The following SLC39A12 variants were observed in gnomAD, a reference collection of about 807,000 sequenced individuals.
SLC39A12 encodes the protein zinc transporter ZIP12.
In SLC39A12, 63 loss-of-function variants were observed where a neutral mutation model predicts 71.1. The ratio of observed to expected loss-of-function variants is 0.89; its 90% confidence interval spans 0.72 to 1.09. SLC39A12 has a LOEUF of 1.09. Among genes scored for constraint, SLC39A12 ranks in the 50% least tolerant of loss-of-function variants. The probability of loss-of-function intolerance (pLI) is 0.00; values close to 1 mark genes in which losing one functional copy is unlikely to be tolerated. For missense variants in SLC39A12, 892 were observed against 812.6 expected, an observed-to-expected ratio of 1.10 and a Z score of -1.19; for synonymous variants, 351 against 301.3, an observed-to-expected ratio of 1.16 and a Z score of -1.71.
chr10:18,006,977 G>T (rs754857265), intron 12 of SLC39A12, among the ~76,000 whole-genome samples: 3 of 152,172 alleles, frequency 2.0e-5, no homozygotes, highest in African/African-American at 7.2e-5. Flanking sequence ...AATAGCACAC[G>T]TGTGATGTCC....
chr10:17,977,526 G>C (rs1835140199), intron 4 of SLC39A12, among the ~76,000 whole-genome samples: 1 of 152,084 alleles, frequency 6.6e-6, no homozygotes, highest in Admixed American at 6.5e-5. Flanking sequence ...TAGAAAACAA[G>C]ATCTAGTTTG....
At chr10:18,000,006 C>A (rs1015398709) in intron 10 of SLC39A12, among the ~76,000 whole-genome samples, 2 of 152,172 alleles carry the variant, frequency 1.3e-5, no homozygotes, top group African/African-American at 4.8e-5. Context: ...CCCACTCGGT[C>A]TGCTACAACA....
chr10:18,037,192 G>T (rs1409997361), intron 12 of SLC39A12, among the ~76,000 whole-genome samples: 1 of 152,176 alleles, frequency 6.6e-6, no homozygotes, highest in East Asian at 1.9e-4. Context: ...TTCTGTTGGT[G>T]TGTTTGCTGT....
intron 8 of SLC39A12, 151 bp from the exon 9 acceptor site, chr10:17,993,030 G>A (rs1835594191): frequency 5.8e-6 from 3 of 514,396 alleles, no homozygotes; most frequent in Non-Finnish European, 1.0e-5. Context: ...AGACATTTTT[G>A]AAGTTGCATT....
chr10:18,037,455 G>T (rs752987556), intron 12 of SLC39A12, among the ~76,000 whole-genome samples: 1 of 152,168 alleles, frequency 6.6e-6, no homozygotes, highest in Non-Finnish European at 1.5e-5. Context: ...GTTCACTACA[G>T]TTAGGAGGTG....
chr10:17,995,494 T>C (rs751131083), intron 9 of SLC39A12, among the ~76,000 whole-genome samples, 162 bp from the exon 10 acceptor site: 3 of 152,234 alleles, frequency 2.0e-5, no homozygotes, highest in Non-Finnish European at 4.4e-5. Flanking sequence ...CCACAGACTT[T>C]CAGCTCTACA....
chr10:18,027,667 G>A (rs890737616), intron 12 of SLC39A12, among the ~76,000 whole-genome samples: 2 of 152,170 alleles, frequency 1.3e-5, no homozygotes, highest in Admixed American at 1.3e-4. Context: ...CTTTTGCTCT[G>A]GTAAGTTGTG....
Position 17,973,719 on chromosome 10 carries a change from T to G in SLC39A12, c.752-4183T>G, listed in dbSNP as rs538858494. The stretch of plus-strand genomic sequence containing the variant: ...TTAAATGCCTTGAGGTAGTCGTCTT[T>G]GGGTCAAATCTGCTTGGTGTTCTAT... On this transcript the variant is annotated intron_variant, in intron 4 of 12. Transcript: ENST00000377369. 1.5e-4 allele frequency among the ~76,000 whole-genome samples: 23 copies of G among 152,264 alleles called. No homozygotes were observed. The East Asian group carries it at 3.9e-3, about 26-fold the overall frequency.
intron 12 of SLC39A12, among the ~76,000 whole-genome samples, chr10:18,018,357 CTGCATGCCT>C (rs1333092256): frequency 6.6e-6 from 1 of 152,130 alleles, no homozygotes; most frequent in Non-Finnish European, 1.5e-5. Context: ...TGTTTTTAAT[CTGCATGCCT>C]TTTATTTCCA....
At chr10:18,015,776 CT>C (rs374700161) in intron 12 of SLC39A12, among the ~76,000 whole-genome samples, 3,394 of 145,934 alleles carry the variant, frequency 0.023, 52 homozygotes, top group South Asian at 0.045. Context: ...AAATAATCAA[CT>C]TTTTTTTTTT....
At chr10:18,024,081 G>T (rs1251343238) in intron 12 of SLC39A12, among the ~76,000 whole-genome samples, 1 of 152,134 alleles carries the variant, frequency 6.6e-6, no homozygotes, top group Non-Finnish European at 1.5e-5. Context: ...GAGAAATGCA[G>T]AGTGGCTACT....
At chr10:18,025,619 A>G (rs1052837319) in intron 12 of SLC39A12, among the ~76,000 whole-genome samples, 3 of 152,124 alleles carry the variant, frequency 2.0e-5, no homozygotes, top group African/African-American at 7.2e-5. Flanking sequence ...ACATTTTCTT[A>G]ATCCAGTCTA....
intron 5 of SLC39A12, among the ~76,000 whole-genome samples, chr10:17,980,374 G>A (rs1223128782): frequency 6.6e-6 from 1 of 151,916 alleles, no homozygotes. Context: ...AACCAAATCA[G>A]CTTTGCAAAC....
chr10:18,032,650 C>T (rs1589258303), intron 12 of SLC39A12, among the ~76,000 whole-genome samples: 1 of 150,874 alleles, frequency 6.6e-6, no homozygotes, highest in Non-Finnish European at 1.5e-5. Flanking sequence ...TTTCCTTCTC[C>T]TGCCTAATTG....
At position 17,999,741 on chromosome 10, in the gene SLC39A12, A is replaced by G. The variant is rs1480065156; in HGVS notation, c.1601-926A>G. On this transcript the variant is annotated intron_variant, in intron 10 of 12. Coordinates refer to ENST00000377369, the MANE Select transcript of SLC39A12 (RefSeq NM_001145195.2). ...TGCTGAAAGTTATCTTGCAGAAAGA[A>G]GAAAACTTTGAGAAATTATTCCAAA... is the stretch of plus-strand genomic sequence containing the variant. 2.0e-5 allele frequency among the ~76,000 whole-genome samples: 3 copies of G among 152,220 alleles called. No individual in the cohort carries two copies. The East Asian group carries it at 5.8e-4, about 29-fold the overall frequency.
chr10:17,953,421 G>T lies in SLC39A12; in HGVS notation c.145G>T (p.Val49Phe), dbSNP rs1834457179. ...AGGCCAACCGGCAGACCTGCTACAG[G>T]TTCTCTCTGCTGGTGACCACCCACC... ...SSGQPADLLQ[V>F]LSAGDHPPHN... Residue 49 changes from valine (V) to phenylalanine (F), a missense_variant, in exon 2 of 13, where the codon GTT (valine) becomes TTT (phenylalanine). Transcript: ENST00000377369. The T allele has an allele frequency of 5.0e-6, 8 of 1,614,188 alleles. No homozygotes were observed. The East Asian group carries it at 6.7e-5, about 13-fold the overall frequency.
chr10:18,020,102 G>A (rs1462439527), intron 12 of SLC39A12, among the ~76,000 whole-genome samples: 2 of 151,964 alleles, frequency 1.3e-5, no homozygotes, highest in African/African-American at 2.4e-5. Flanking sequence ...GGCAATCAAG[G>A]TAATACCCAA....
chr10:17,958,952 A>G (rs1331369108), intron 2 of SLC39A12, among the ~76,000 whole-genome samples: 5 of 152,144 alleles, frequency 3.3e-5, no homozygotes, highest in Non-Finnish European at 7.4e-5. Context: ...TACTTTATGC[A>G]TTTTTCAAAA....
intron 12 of SLC39A12, among the ~76,000 whole-genome samples, chr10:18,029,682 G>C: frequency 6.6e-6 from 1 of 151,980 alleles, no homozygotes; most frequent in Non-Finnish European, 1.5e-5. Flanking sequence ...TATAAATCAA[G>C]ATCCGTAAAA....
Sources: gnomAD v4.1 joint callset for allele counts (sites outside exome capture counted in the v4.1 genomes callset) on GRCh38, gnomAD v4.1.1 for gene constraint, MANE v1.5 for transcripts, NCBI Gene and HGNC (gene_info 2026-07-23, HGNC 2026-07-21) for gene names.